The following STK31 variants were observed in gnomAD, a reference collection of about 807,000 sequenced individuals.
STK31 encodes the protein serine/threonine kinase 31.
A neutral mutation model predicts 129.7 loss-of-function variants in STK31; 89 were observed. The ratio of observed to expected loss-of-function variants is 0.69; its 90% confidence interval spans 0.58 to 0.82. The LOEUF (loss-of-function observed/expected upper bound fraction) is 0.82, where lower values mean the gene tolerates loss of function less well. Among genes scored for constraint, STK31 ranks in the 40% least tolerant of loss-of-function variants. STK31 has a pLI of 0.00. For synonymous variants in STK31, 448 were observed against 395.3 expected (o/e 1.13, Z -1.58); for missense variants, 1,187 against 1,176.4 (o/e 1.01, Z -0.13).
intron 4 of STK31, among the ~76,000 whole-genome samples, chr7:23,723,952 TCGGCCCGGAGGAA>T (rs2128069069): frequency 6.6e-6 from 1 of 152,266 alleles, no homozygotes; most frequent in East Asian, 1.9e-4. Context: ...CAAAATTCTC[TCGGCCCGGAGGAA>T]GGGGCTTGAT....
At chr7:23,711,119 T>C (rs1562538646) in intron 1 of STK31, among the ~76,000 whole-genome samples, 1 of 152,160 alleles carries the variant, frequency 6.6e-6, no homozygotes, top group Non-Finnish European at 1.5e-5. Flanking sequence ...TTTGAAACTT[T>C]AGTATAGTGG....
chr7:23,744,476 G>T (rs1039036975), intron 8 of STK31, among the ~76,000 whole-genome samples: 1 of 151,912 alleles, frequency 6.6e-6, no homozygotes, highest in Non-Finnish European at 1.5e-5. Flanking sequence ...TCTGTTGGTG[G>T]AGAATTACTA....
chr7:23,759,051 G>A (rs1038207801), intron 10 of STK31, among the ~76,000 whole-genome samples: 2 of 152,074 alleles, frequency 1.3e-5, no homozygotes, highest in South Asian at 4.2e-4. Flanking sequence ...AAGGCATTAC[G>A]TAATGGTAAA....
At position 23,737,749 on chromosome 7, in the gene STK31, A is replaced by T. The variant is rs1280966304; in HGVS notation, c.1017+671A>T. 2.6e-5 allele frequency among the ~76,000 whole-genome samples: 4 copies of T among 152,228 alleles called. No homozygotes were observed. In the East Asian group the frequency reaches 7.7e-4, roughly 29 times the overall value. On this transcript the variant is annotated intron_variant, in intron 8 of 23. Coordinates refer to ENST00000355870, the MANE Select transcript of STK31 (RefSeq NM_031414.5). ...TTTAATGTGTTTCCTTGTGTTGCTT[A>T]ACTGGATTCTTGATCTCCACGTGTG...
At chr7:23,769,894 G>C in intron 13 of STK31, 138 bp downstream of exon 13, 1 of 517,792 alleles carries the variant, frequency 1.9e-6, no homozygotes, top group Non-Finnish European at 3.4e-6. Flanking sequence ...TCTTCTAATA[G>C]GCTTGTTGAA....
intron 18 of STK31, 57 bp from the exon 19 acceptor site, chr7:23,786,451 A>G: frequency 6.6e-7 from 1 of 1,520,200 alleles, no homozygotes. Flanking sequence ...GGAATGATGT[A>G]TAATTATAAT....
intron 22 of STK31, among the ~76,000 whole-genome samples, chr7:23,807,899 T>C (rs1326795832): frequency 6.6e-6 from 1 of 152,010 alleles, no homozygotes; most frequent in Non-Finnish European, 1.5e-5. Flanking sequence ...TTCTTTTTTA[T>C]ATCTTCTGTC....
chr7:23,778,279 C>A (rs1428166948), intron 15 of STK31, among the ~76,000 whole-genome samples: 1 of 152,130 alleles, frequency 6.6e-6, no homozygotes, highest in African/African-American at 2.4e-5. Context: ...TTTTTTCCTT[C>A]ATTTCAACCT....
intron 23 of STK31, among the ~76,000 whole-genome samples, chr7:23,817,311 G>A (rs1793532655): frequency 6.6e-6 from 1 of 152,096 alleles, no homozygotes; most frequent in Non-Finnish European, 1.5e-5. Context: ...GTTTAATGTG[G>A]GTAGCTACTC....
intron 10 of STK31, among the ~76,000 whole-genome samples, chr7:23,760,252 C>G (rs1173201510): frequency 1.3e-5 from 2 of 152,074 alleles, no homozygotes; most frequent in African/African-American, 2.4e-5. Flanking sequence ...CTTGTTCCAT[C>G]TTAAATATTT....
At chr7:23,767,216 T>C (rs983675675) in intron 11 of STK31, among the ~76,000 whole-genome samples, 4 of 152,208 alleles carry the variant, frequency 2.6e-5, no homozygotes, top group Non-Finnish European at 2.9e-5. Context: ...TGGCTTAGTT[T>C]TTTATACTTC....
At chr7:23,742,929 T>C (rs1470014746) in intron 8 of STK31, among the ~76,000 whole-genome samples, 1 of 150,706 alleles carries the variant, frequency 6.6e-6, no homozygotes, top group Non-Finnish European at 1.5e-5. Flanking sequence ...CTTGTGTGTT[T>C]GCTTTACTCT....
At chr7:23,722,122 C>T (rs62468591) in intron 4 of STK31, 38,842 of 152,928 alleles carry the variant, frequency 0.25, 5,346 homozygotes, top group East Asian at 0.4. Flanking sequence ...CCGTTGCTGG[C>T]GAGGAGCTGC....
chr7:23,758,219 GT>G (rs1789225393), intron 10 of STK31, among the ~76,000 whole-genome samples: 1 of 152,094 alleles, frequency 6.6e-6, no homozygotes, highest in Non-Finnish European at 1.5e-5. Context: ...GCATCCAAGA[GT>G]TTATTCATTT....
chr7:23,774,799 T>A (rs960383852), intron 15 of STK31, among the ~76,000 whole-genome samples: 14 of 152,318 alleles, frequency 9.2e-5, no homozygotes, highest in Non-Finnish European at 1.5e-4. Flanking sequence ...CATTTGTCAA[T>A]TTTGTCTTTT....
chr7:23,817,726 G>A (rs1308044094), intron 23 of STK31, among the ~76,000 whole-genome samples: 1 of 152,156 alleles, frequency 6.6e-6, no homozygotes, highest in Non-Finnish European at 1.5e-5. Context: ...GCTGATTTTG[G>A]TAGTTTGTGT....
Position 23,786,831 on chromosome 7 carries a change from TTC to T in STK31, c.2401-5_2401-4del. On this transcript the variant is annotated splice_region_variant and splice_polypyrimidine_tract_variant and intron_variant, in intron 19 of 23. Transcript: ENST00000355870. ...CTTGGAGTCACATTCTCTGTTTTGC[TTC>T]TTAGTCTGATCCTATGGCTTATCTG... is the stretch of plus-strand genomic sequence containing the variant. 1 of 1,609,752 alleles carries T rather than the reference TTC, an allele frequency of 6.2e-7. No individual in the cohort carries two copies. The highest frequency in any genetic ancestry group is 8.5e-7 in the Non-Finnish European group (1 of 1,178,812).
At chr7:23,721,515 A>G in intron 4 of STK31, 2 of 986,198 alleles carry the variant, frequency 2.0e-6, no homozygotes, top group Non-Finnish European at 3.2e-6. Context: ...ACAAATATGT[A>G]TGTGTTAGTT....
At chr7:23,760,157 A>G (rs1789372700) in intron 10 of STK31, among the ~76,000 whole-genome samples, 1 of 152,146 alleles carries the variant, frequency 6.6e-6, no homozygotes, top group Admixed American at 6.5e-5. Flanking sequence ...GCTGAACAGA[A>G]CTTCCTGTTT....
Sources: allele counts gnomAD v4.1 joint callset (sites outside exome capture counted in the v4.1 genomes callset), GRCh38; gene constraint gnomAD v4.1.1; transcripts MANE v1.5; gene names NCBI Gene and HGNC (gene_info 2026-07-23, HGNC 2026-07-21).